ESR1: variants seen among roughly 807,000 people sequenced by gnomAD.
ESR1 encodes the protein estrogen receptor 1.
A neutral mutation model predicts 52.7 loss-of-function variants in ESR1; 12 were observed. The observed-to-expected ratio is 0.23, with a 90% CI of 0.15 to 0.37. ESR1 has a LOEUF of 0.37. Among genes scored for constraint, ESR1 ranks in the 10% least tolerant of loss-of-function variants. The pLI, the probability that ESR1 is intolerant of heterozygous loss-of-function variation, is 1.00. For missense variants in ESR1, 584 were observed against 779.7 expected (o/e 0.75, Z 2.99); for synonymous variants, 305 against 316.8 (o/e 0.96, Z 0.39).
At chr6:151,997,548 A>G (rs2041601884) in intron 4 of ESR1, among the ~76,000 whole-genome samples, 1 of 152,180 alleles carries the variant, frequency 6.6e-6, no homozygotes, top group Non-Finnish European at 1.5e-5. Context: ...ATAACACATT[A>G]TGACTGCTAA....
At chr6:151,964,830 G>C (rs895239863) in intron 4 of ESR1, among the ~76,000 whole-genome samples, 23 of 152,042 alleles carry the variant, frequency 1.5e-4, no homozygotes, top group African/African-American at 5.1e-4. Flanking sequence ...TTTTAGTACA[G>C]ACGGAGTTTC....
At chr6:152,088,450 T>C (rs1460007117) in intron 6 of ESR1, among the ~76,000 whole-genome samples, 2 of 152,232 alleles carry the variant, frequency 1.3e-5, no homozygotes, top group African/African-American at 4.8e-5. Flanking sequence ...CCAAAACTCA[T>C]GTTGAAATTT....
intron 2 of ESR1, among the ~76,000 whole-genome samples, chr6:151,859,896 T>C (rs919037068): frequency 6.6e-6 from 1 of 152,144 alleles, no homozygotes; most frequent in African/African-American, 2.4e-5. Flanking sequence ...TCCTCAATTG[T>C]GAATGGCACC....
intron 2 of ESR1, among the ~76,000 whole-genome samples, chr6:151,757,550 T>C (rs1784381314): frequency 6.6e-6 from 1 of 152,212 alleles, no homozygotes; most frequent in South Asian, 2.1e-4. Context: ...GAACCTTGGA[T>C]CCTGACCTCA....
chr6:151,685,152 A>T (rs1778612157), intron 1 of ESR1, among the ~76,000 whole-genome samples: 1 of 95,392 alleles, frequency 1.0e-5, no homozygotes, highest in East Asian at 3.6e-4. Flanking sequence ...TTTGAGACGG[A>T]GTCTCGCTCT....
At chr6:151,815,427 C>T (rs1015470694) in intron 1 of ESR1, among the ~76,000 whole-genome samples, 2 of 152,148 alleles carry the variant, frequency 1.3e-5, no homozygotes, top group Non-Finnish European at 2.9e-5. Context: ...AAGCTCTTAG[C>T]AAAGTGCATG....
intron 1 of ESR1, among the ~76,000 whole-genome samples, chr6:151,681,438 G>C (rs1050493394): frequency 1.3e-5 from 2 of 151,230 alleles, no homozygotes; most frequent in African/African-American, 4.9e-5. Context: ...GGCTCAGGGG[G>C]AGCTGTTGAG....
At chr6:151,731,212 T>C (rs1210166343) in intron 2 of ESR1, among the ~76,000 whole-genome samples, 1 of 152,044 alleles carries the variant, frequency 6.6e-6, no homozygotes, top group Non-Finnish European at 1.5e-5. Flanking sequence ...TAAAATTAGC[T>C]GGGCGTGGTG....
intron 4 of ESR1, among the ~76,000 whole-genome samples, chr6:151,959,328 G>T (rs2037383296): frequency 2.0e-5 from 3 of 152,154 alleles, no homozygotes; most frequent in African/African-American, 7.2e-5. Flanking sequence ...GTTCTTAATT[G>T]TTAGGAATCA....
intron 2 of ESR1, among the ~76,000 whole-genome samples, chr6:151,775,339 T>A (rs1297260432): frequency 1.3e-5 from 2 of 152,208 alleles, no homozygotes; most frequent in Non-Finnish European, 2.9e-5. Flanking sequence ...AAATCTGAAA[T>A]GCTTCAGTGA....
chr6:151,984,751 A>G (rs2040299749), intron 4 of ESR1, among the ~76,000 whole-genome samples: 1 of 152,174 alleles, frequency 6.6e-6, no homozygotes, highest in Non-Finnish European at 1.5e-5. Flanking sequence ...TGTTTCTACA[A>G]AGTAATCTCT....
chr6:151,883,566 C>T (rs1793329404), intron 3 of ESR1, among the ~76,000 whole-genome samples: 2 of 151,980 alleles, frequency 1.3e-5, no homozygotes, highest in Admixed American at 1.3e-4. Flanking sequence ...ACCCTTATGA[C>T]CTCATTTAAC....
intron 2 of ESR1, among the ~76,000 whole-genome samples, chr6:151,855,333 AT>A (rs1787624902): frequency 6.6e-6 from 1 of 152,066 alleles, no homozygotes; most frequent in Non-Finnish European, 1.5e-5. Flanking sequence ...TTGTTTTCTG[AT>A]TGCTAGCATG....
At chr6:151,880,942 T>G (rs891379199) in intron 3 of ESR1, among the ~76,000 whole-genome samples, 171 bp downstream of exon 3, 3 of 152,232 alleles carry the variant, frequency 2.0e-5, no homozygotes, top group African/African-American at 7.2e-5. Flanking sequence ...CATTTTATTT[T>G]AAAAAGGTGG....
chr6:152,122,791 G>A, intron 6 of ESR1: 1 of 1,530,098 alleles, frequency 6.5e-7, no homozygotes, highest in Non-Finnish European at 8.9e-7. Context: ...ACCCCAGCCT[G>A]GCGATCAGCT....
intron 1 of ESR1, among the ~76,000 whole-genome samples, chr6:151,691,305 A>G (rs1434696003): frequency 1.3e-5 from 2 of 152,206 alleles, no homozygotes; most frequent in Admixed American, 6.5e-5. Flanking sequence ...TGGCACATAC[A>G]TAATGACTCC....
At position 151,807,863 on chromosome 6, in the gene ESR1, C is replaced by G. The variant is rs1269589965; in HGVS notation, c.-50C>G. On this transcript the variant is annotated 5_prime_UTR_variant, in exon 1 of 8. Coordinates refer to ENST00000206249, the MANE Select transcript of ESR1 (RefSeq NM_000125.4). Reference sequence around the variant, plus strand: ...TCCAGGTGGCCCGCCGGTTTCTGAGCCTTCTGCCCTGCGGGGACACGGTCT... The same window carrying G: ...TCCAGGTGGCCCGCCGGTTTCTGAGGCTTCTGCCCTGCGGGGACACGGTCT... 6.5e-7 allele frequency: 1 copy of G among 1,545,764 alleles called. No individual in the cohort carries two copies. The highest frequency in any genetic ancestry group is 1.4e-5 in the African/African-American group (1 of 73,200).
Position 151,851,764 on chromosome 6 carries a change from G to T in ESR1, c.643+8977G>T, listed in dbSNP as rs529653371. On this transcript the variant is annotated intron_variant, in intron 2 of 7. Coordinates refer to ENST00000206249, the MANE Select transcript of ESR1 (RefSeq NM_000125.4). ...GCTGGTCTTGAACTCCTGACCTCAG[G>T]TGATCTACCCGCCTTGGCCTCCCAA... is the stretch of plus-strand genomic sequence containing the variant. Among the ~76,000 whole-genome samples, 22 of 152,220 alleles carry T rather than the reference G, an allele frequency of 1.4e-4. No individual in the cohort carries two copies. In the South Asian group the frequency reaches 4.4e-3, roughly 30 times the overall value.
intron 1 of ESR1, among the ~76,000 whole-genome samples, chr6:151,666,421 A>AG (rs891138916): frequency 3.8e-4 from 58 of 152,294 alleles, no homozygotes; most frequent in African/African-American, 1.3e-3. Flanking sequence ...CTCTGGTAGA[A>AG]GGGCCACCCA....
Sources: gnomAD v4.1 joint callset for allele counts (sites outside exome capture counted in the v4.1 genomes callset) on GRCh38, gnomAD v4.1.1 for gene constraint, MANE v1.5 for transcripts, NCBI Gene and HGNC (gene_info 2026-07-23, HGNC 2026-07-21) for gene names.